The following SPOCK3 variants were observed in gnomAD, a reference collection of about 807,000 sequenced individuals.
SPOCK3 encodes testican-3.
Under a neutral mutation model 56.6 loss-of-function variants are expected in SPOCK3, and 30 were observed. That is an observed-to-expected ratio of 0.53 (90% CI 0.40 to 0.72). The LOEUF (loss-of-function observed/expected upper bound fraction) is 0.72. Among genes scored for constraint, SPOCK3 ranks in the 30% least tolerant of loss-of-function variants. The pLI, the probability that SPOCK3 is intolerant of heterozygous loss-of-function variation, is 0.00. For missense variants in SPOCK3, 527 were observed against 530.0 expected (o/e 0.99, Z 0.06); for synonymous variants, 196 against 183.3 (o/e 1.07, Z -0.56).
intron 5 of SPOCK3, among the ~76,000 whole-genome samples, chr4:166,902,238 G>A (rs1482924774): frequency 6.6e-6 from 1 of 152,002 alleles, no homozygotes; most frequent in East Asian, 1.9e-4. Context: ...TGGTATAATG[G>A]TACAATATTT....
intron 3 of SPOCK3, among the ~76,000 whole-genome samples, chr4:167,049,998 A>T (rs539129877): frequency 6.6e-6 from 1 of 152,272 alleles, no homozygotes; most frequent in Admixed American, 6.5e-5. Flanking sequence ...CCTCCGCTAC[A>T]CCACTTACTA....
chr4:167,150,037 T>C (rs1252894718), intron 2 of SPOCK3, among the ~76,000 whole-genome samples: 1 of 152,104 alleles, frequency 6.6e-6, no homozygotes, highest in East Asian at 1.9e-4. Context: ...ACAATAACTG[T>C]TCAATAAACA....
intron 3 of SPOCK3, among the ~76,000 whole-genome samples, chr4:167,037,415 G>A (rs901191658): frequency 5.9e-5 from 9 of 151,640 alleles, no homozygotes; most frequent in African/African-American, 2.2e-4. Context: ...CCTGGGGGCG[G>A]AGGTTGCAGT....
chr4:167,010,829 G>C (rs113532328), intron 3 of SPOCK3, among the ~76,000 whole-genome samples: 12 of 151,806 alleles, frequency 7.9e-5, no homozygotes, highest in African/African-American at 2.9e-4. Flanking sequence ...GTGGGGGGGA[G>C]ATAAAATGAG....
At chr4:167,220,548 T>C (rs1172238073) in intron 2 of SPOCK3, among the ~76,000 whole-genome samples, 1 of 151,694 alleles carries the variant, frequency 6.6e-6, no homozygotes, top group Non-Finnish European at 1.5e-5. Context: ...CAGCTAATTT[T>C]TTTTTTTTTT....
intron 3 of SPOCK3, among the ~76,000 whole-genome samples, chr4:167,039,502 T>A (rs1359593534): frequency 6.6e-6 from 1 of 152,118 alleles, no homozygotes; most frequent in Non-Finnish European, 1.5e-5. Flanking sequence ...TATGTGTATG[T>A]GTGTGTGTAT....
At chr4:166,932,925 G>A (rs999973128) in intron 4 of SPOCK3, among the ~76,000 whole-genome samples, 19 of 152,056 alleles carry the variant, frequency 1.2e-4, no homozygotes, top group African/African-American at 4.6e-4. Context: ...TCATGTAACA[G>A]GTTGATTGTT....
At chr4:166,873,218 A>AAC (rs1553991917) in intron 6 of SPOCK3, among the ~76,000 whole-genome samples, 22 of 152,054 alleles carry the variant, frequency 1.4e-4, no homozygotes, top group African/African-American at 5.3e-4. Flanking sequence ...AAAAAAAAAA[A>AAC]AAAACATCAG....
chr4:166,877,492 G>A (rs754596913), intron 6 of SPOCK3, among the ~76,000 whole-genome samples: 1 of 151,830 alleles, frequency 6.6e-6, no homozygotes, highest in Non-Finnish European at 1.5e-5. Flanking sequence ...AAATATAAAC[G>A]TATTATTAGG....
chr4:167,014,057 T>C lies in SPOCK3; in HGVS notation c.236-13594A>G, dbSNP rs151287888. Among the ~76,000 whole-genome samples, 1,022 of 152,236 alleles carry C rather than the reference T, an allele frequency of 6.7e-3. 10 individuals are homozygous for C. Among genetic ancestry groups the C allele is most frequent in the Non-Finnish European group, 0.012 (811 of 68,012 alleles). ...AAAGCATTATATTTGGCCATTATCATTTGACTTTTGGTTGATTAGCTATGA... is the reference window on the plus strand; with the variant it reads ...AAAGCATTATATTTGGCCATTATCACTTGACTTTTGGTTGATTAGCTATGA... On this transcript the variant is annotated intron_variant, in intron 3 of 10. Transcript: ENST00000357545.
At chr4:167,116,598 A>ATATATACTATATACGTATATATACACG (rs1761374811) in intron 2 of SPOCK3, among the ~76,000 whole-genome samples, 1 of 89,826 alleles carries the variant, frequency 1.1e-5, no homozygotes, top group Non-Finnish European at 2.1e-5. Context: ...ATATATATAC[A>ATATATACTATATACGTATATATACACG]TATATACTAT....
At chr4:167,217,378 AT>A (rs768568447) in intron 2 of SPOCK3, among the ~76,000 whole-genome samples, 1 of 151,838 alleles carries the variant, frequency 6.6e-6, no homozygotes, top group Admixed American at 6.6e-5. Flanking sequence ...GTTTCTTGGT[AT>A]TTTTTCCTAA....
At chr4:167,199,113 G>A (rs764184002) in intron 2 of SPOCK3, among the ~76,000 whole-genome samples, 1 of 152,018 alleles carries the variant, frequency 6.6e-6, no homozygotes, top group East Asian at 1.9e-4. Context: ...AAGCAGCACA[G>A]CACTGATTGA....
intron 4 of SPOCK3, among the ~76,000 whole-genome samples, chr4:166,962,216 C>A (rs75650853): frequency 6.6e-6 from 1 of 152,036 alleles, no homozygotes; most frequent in African/African-American, 2.4e-5. Flanking sequence ...TGCTCTTTGA[C>A]ATGTAAGATA....
chr4:166,889,369 A>T (rs548702813), intron 5 of SPOCK3, 125 bp from the exon 6 acceptor site: 1 of 621,146 alleles, frequency 1.6e-6, no homozygotes, highest in African/African-American at 1.8e-5. Context: ...ACCAGGTAAT[A>T]CGTCTCCAAT....
chr4:167,070,792 T>C (rs1433718505), intron 2 of SPOCK3, among the ~76,000 whole-genome samples: 3 of 151,998 alleles, frequency 2.0e-5, no homozygotes, highest in Non-Finnish European at 1.5e-5. Flanking sequence ...TAGAAATACT[T>C]AATACATGAT....
intron 2 of SPOCK3, among the ~76,000 whole-genome samples, chr4:167,089,835 C>G (rs1432276733): frequency 6.6e-6 from 1 of 152,084 alleles, no homozygotes; most frequent in Non-Finnish European, 1.5e-5. Flanking sequence ...GATCTGTTTT[C>G]TTCCCCCAGT....
chr4:167,053,722 A>G (rs1754469308), intron 3 of SPOCK3, among the ~76,000 whole-genome samples: 1 of 152,070 alleles, frequency 6.6e-6, no homozygotes, highest in Non-Finnish European at 1.5e-5. Flanking sequence ...AATAAAAAAA[A>G]GAGAATTAAC....
intron 3 of SPOCK3, among the ~76,000 whole-genome samples, chr4:167,053,043 C>T (rs1754386457): frequency 6.6e-6 from 1 of 152,096 alleles, no homozygotes; most frequent in Non-Finnish European, 1.5e-5. Flanking sequence ...TAGCCAAATA[C>T]TGATTGCAAA....
Sources: gnomAD v4.1 joint callset for allele counts (sites outside exome capture counted in the v4.1 genomes callset) on GRCh38, gnomAD v4.1.1 for gene constraint, MANE v1.5 for transcripts, NCBI Gene and HGNC (gene_info 2026-07-23, HGNC 2026-07-21) for gene names.